Variants in ZC3HAV1 observed in about 807,000 individuals in gnomAD.
ZC3HAV1 encodes zinc finger CCCH-type containing, antiviral 1.
A neutral mutation model predicts 86.6 loss-of-function variants in ZC3HAV1; 41 were observed. That is an observed-to-expected ratio of 0.47 (90% CI 0.37 to 0.61). The LOEUF (loss-of-function observed/expected upper bound fraction) is 0.61. Ranked by LOEUF, ZC3HAV1 falls within the 20% of genes least tolerant of loss-of-function variation. The pLI is 0.00. For missense variants in ZC3HAV1, 964 were observed against 1,141.1 expected, an observed-to-expected ratio of 0.84 and a Z score of 2.24; for synonymous variants, 421 against 432.1, an observed-to-expected ratio of 0.97 and a Z score of 0.32.
chr7:139,080,307 C>A, intron 3 of ZC3HAV1, 64 bp from the exon 4 acceptor site: 1 of 1,583,158 alleles, frequency 6.3e-7, no homozygotes, highest in Non-Finnish European at 8.6e-7. Flanking sequence ...TGACTGAGTT[C>A]CTACCACCCT....
At chr7:139,056,087 T>G (rs1816272566) in intron 9 of ZC3HAV1, among the ~76,000 whole-genome samples, 1 of 152,140 alleles carries the variant, frequency 6.6e-6, no homozygotes, top group Non-Finnish European at 1.5e-5. Flanking sequence ...CTAAATCTAA[T>G]CAGTTCCCTA....
At chr7:139,091,752 C>T (rs896983157) in intron 1 of ZC3HAV1, among the ~76,000 whole-genome samples, 1 of 152,030 alleles carries the variant, frequency 6.6e-6, no homozygotes, top group African/African-American at 2.4e-5. Flanking sequence ...TGCTGGGATA[C>T]ACACTTGAGA....
At chr7:139,073,544 G>A (rs917651875) in intron 7 of ZC3HAV1, among the ~76,000 whole-genome samples, 1 of 152,098 alleles carries the variant, frequency 6.6e-6, no homozygotes, top group African/African-American at 2.4e-5. Flanking sequence ...AGGCTGGAAT[G>A]CAGTGGCGAA....
intron 9 of ZC3HAV1, among the ~76,000 whole-genome samples, chr7:139,058,797 A>T (rs886612850): frequency 1.3e-5 from 2 of 152,146 alleles, no homozygotes; most frequent in Admixed American, 1.3e-4. Context: ...GAGATCGACA[A>T]TGGCTGACTA....
Position 139,046,753 on chromosome 7 carries a change from C to T in ZC3HAV1, c.*841G>A, listed in dbSNP as rs1438789850. 2 of 152,212 alleles carry T rather than the reference C, an allele frequency of 1.3e-5. No individual in the cohort carries two copies. The highest frequency in any genetic ancestry group is 1.3e-4 in the Admixed American group (2 of 15,268). 9.4% of individuals were successfully genotyped at this position (152,212 alleles called of 1,614,324 possible). On this transcript the variant is annotated 3_prime_UTR_variant, in exon 13 of 13. Coordinates refer to ENST00000242351, the MANE Select transcript of ZC3HAV1 (RefSeq NM_020119.4). Reference sequence around the variant, plus strand: ...TCAATTTTACTTTTTTTTCCCCTAGCATGTCCTTAAGCATTTTCTCCCCAG... The same window carrying T: ...TCAATTTTACTTTTTTTTCCCCTAGTATGTCCTTAAGCATTTTCTCCCCAG...
Position 139,078,644 on chromosome 7 carries a change from G to A in ZC3HAV1, c.1481C>T (p.Ser494Phe). Residue 494 changes from serine to phenylalanine, a missense_variant, in exon 5 of 13, where the codon TCT becomes TTT. By Grantham distance (155) the Ser-to-Phe change is radical. Transcript: ENST00000242351. ...AGAAGATGTGGTACTTGTGACATCAGATAAAGAATCTATGAAACAAAAAAG... is the reference window on the plus strand; with the variant it reads ...AGAAGATGTGGTACTTGTGACATCAAATAAAGAATCTATGAAACAAAAAAG... ...PRVALVNDSLSDVTSTTSSRV... is the reference protein window; with the variant it reads ...PRVALVNDSLFDVTSTTSSRV... The A allele has an allele frequency of 6.4e-7, 1 of 1,565,902 alleles. No individual in the cohort carries two copies.
intron 8 of ZC3HAV1, among the ~76,000 whole-genome samples, chr7:139,062,747 C>T (rs1037679702): frequency 4.6e-5 from 7 of 152,080 alleles, no homozygotes; most frequent in Non-Finnish European, 7.4e-5. Context: ...TAGAAAAAGG[C>T]GGACGGGTGC....
intron 12 of ZC3HAV1, among the ~76,000 whole-genome samples, chr7:139,051,321 G>A (rs1366509696): frequency 2.6e-5 from 4 of 151,908 alleles, no homozygotes; most frequent in Admixed American, 6.6e-5. Context: ...GTCTCCCAAA[G>A]TGCTGGGATT....
intron 1 of ZC3HAV1, among the ~76,000 whole-genome samples, chr7:139,095,373 A>G (rs1817554560): frequency 6.6e-6 from 1 of 152,190 alleles, no homozygotes; most frequent in South Asian, 2.1e-4. Context: ...AATAGACCAG[A>G]CGAGATCACA....
intron 8 of ZC3HAV1, among the ~76,000 whole-genome samples, chr7:139,063,027 C>CA (rs58859916): frequency 0.029 from 1,971 of 67,844 alleles, 50 homozygotes; most frequent in Non-Finnish European, 0.04. Context: ...GACTCTGTCT[C>CA]AAAAAAAAAA....
In ZC3HAV1 at chr7:139,105,774, T is replaced by G. The variant is rs1412530802; in HGVS notation, c.308+3250A>C. ...GGTATCAATTAGTTAACAGACCCCA[T>G]TAACTGGTAATCTACAAAGAAAGTT... is the stretch of plus-strand genomic sequence containing the variant. On this transcript the variant is annotated intron_variant, in intron 1 of 12. Transcript: ENST00000242351. Among the ~76,000 whole-genome samples, 5 of 152,176 alleles carry G rather than the reference T, an allele frequency of 3.3e-5. No individual in the cohort carries two copies. The East Asian group carries it at 9.6e-4, about 29-fold the overall frequency.
chr7:139,068,941 C>A (rs1426871149), intron 7 of ZC3HAV1, among the ~76,000 whole-genome samples: 1 of 152,202 alleles, frequency 6.6e-6, no homozygotes, highest in Non-Finnish European at 1.5e-5. Flanking sequence ...ACACAACTGA[C>A]TGATGGTCCA....
At chr7:139,063,448 A>G (rs1432501286) in intron 8 of ZC3HAV1, among the ~76,000 whole-genome samples, 2 of 152,168 alleles carry the variant, frequency 1.3e-5, no homozygotes, top group African/African-American at 4.8e-5. Context: ...CTGGCTGAGC[A>G]CTATGGCTCA....
Position 139,055,340 on chromosome 7 carries a change from G to A in ZC3HAV1, c.2097-45C>T, listed in dbSNP as rs773973479. 22 of 1,534,322 alleles carry A rather than the reference G, an allele frequency of 1.4e-5. No individual in the cohort carries two copies. In the South Asian group the frequency reaches 2.4e-4, roughly 17 times the overall value. On this transcript the variant is annotated intron_variant, in intron 9 of 12. Coordinates refer to ENST00000242351, the MANE Select transcript of ZC3HAV1 (RefSeq NM_020119.4). ...ATTCACTTAACTCTCTGCTCCACAGGCCCAAGTGATGTTTTCTCTTAACTT... is the reference window on the plus strand; with the variant it reads ...ATTCACTTAACTCTCTGCTCCACAGACCCAAGTGATGTTTTCTCTTAACTT...
rs114607802 is a variant in ZC3HAV1, at chr7:139,092,514, G to A, written c.309-2755C>T. On this transcript the variant is annotated intron_variant, in intron 1 of 12. Transcript: ENST00000242351. ...TCCTGAACTTAGAGCCAAGCCTACG[G>A]CACCTCTGCAGGTCACAGAGAGATG... is the stretch of plus-strand genomic sequence containing the variant. 1.7e-3 allele frequency among the ~76,000 whole-genome samples: 264 copies of A among 152,354 alleles called. 1 individual carries two copies. The highest frequency in any genetic ancestry group is 0.01 in the Middle Eastern group (3 of 294).
intron 5 of ZC3HAV1, among the ~76,000 whole-genome samples, chr7:139,078,239 AAAAC>A (rs1377428378): frequency 2.6e-5 from 4 of 152,218 alleles, no homozygotes; most frequent in Admixed American, 6.5e-5. Context: ...ACTCCGTCTC[AAAAC>A]AAACAAACAA....
Position 139,108,317 on chromosome 7 carries a change from A to C in ZC3HAV1, c.308+707T>G, listed in dbSNP as rs905501693. ...GAAACAACAGAAGCAGTGGCCCGAGACGTGAGCCACACTGCTTCAAAGGGA... is the reference window on the plus strand; with the variant it reads ...GAAACAACAGAAGCAGTGGCCCGAGCCGTGAGCCACACTGCTTCAAAGGGA... On this transcript the variant is annotated intron_variant, in intron 1 of 12. Coordinates refer to ENST00000242351, the MANE Select transcript of ZC3HAV1 (RefSeq NM_020119.4). This position sits in a 1 kb window ranked among gnomAD's most constrained non-coding sequence, Gnocchi z 4.2. Among the ~76,000 whole-genome samples, 1 of 151,530 alleles carries C rather than the reference A, an allele frequency of 6.6e-6. No individual in the cohort carries two copies. The highest frequency in any genetic ancestry group is 1.5e-5 in the Non-Finnish European group (1 of 67,904).
chr7:139,101,502 C>G (rs1270977427), intron 1 of ZC3HAV1, among the ~76,000 whole-genome samples: 10 of 101,140 alleles, frequency 9.9e-5, no homozygotes, highest in East Asian at 2.6e-4. Context: ...ACCACCCCGT[C>G]TGGGAGGTGT....
At chr7:139,052,432 C>A (rs541871774) in intron 12 of ZC3HAV1, among the ~76,000 whole-genome samples, 1 of 150,294 alleles carries the variant, frequency 6.7e-6, no homozygotes, top group Admixed American at 6.6e-5. Flanking sequence ...ATGGAGAAAC[C>A]CAGTCTCTAC....
Sources: allele counts gnomAD v4.1 joint callset (sites outside exome capture counted in the v4.1 genomes callset), GRCh38; gene constraint gnomAD v4.1.1; non-coding constraint Gnocchi (gnomAD v3.1); transcripts MANE v1.5; gene names NCBI Gene and HGNC (gene_info 2026-07-23, HGNC 2026-07-21).